Variants in NFRKB observed in about 807,000 individuals in gnomAD.
NFRKB encodes nuclear factor related to kappa-B-binding protein.
In NFRKB, 62 loss-of-function variants were observed where a neutral mutation model predicts 135.7. The ratio of observed to expected loss-of-function variants is 0.46; its 90% confidence interval spans 0.37 to 0.56. NFRKB has a LOEUF of 0.56. Ranked by LOEUF, NFRKB falls within the 20% of genes least tolerant of loss-of-function variation. NFRKB has a pLI of 0.00. For missense variants in NFRKB, 1,545 were observed against 1,662.0 expected, an observed-to-expected ratio of 0.93 and a Z score of 1.22; for synonymous variants, 678 against 635.6, an observed-to-expected ratio of 1.07 and a Z score of -1.00.
chr11:129,880,917 C>T (rs1948997548), intron 13 of NFRKB, among the ~76,000 whole-genome samples: 2 of 152,368 alleles, frequency 1.3e-5, no homozygotes, highest in Admixed American at 6.5e-5. Flanking sequence ...GAAACCAACA[C>T]TGGATTTCTC....
At chr11:129,866,896 G>A (rs527692884) in intron 24 of NFRKB, among the ~76,000 whole-genome samples, 45 of 152,250 alleles carry the variant, frequency 3.0e-4, no homozygotes, top group African/African-American at 9.6e-4. Context: ...ACAACTGCGC[G>A]GCAGGTCCCC....
chr11:129,888,880 T>C, intron 3 of NFRKB, 85 bp from the exon 4 acceptor site: 2 of 959,894 alleles, frequency 2.1e-6, no homozygotes, highest in Non-Finnish European at 3.1e-6. Context: ...TTACATAATA[T>C]ACATAAGATT....
Position 129,873,935 on chromosome 11 carries a change from G to C in NFRKB, c.2360C>G (p.Ser787Cys), listed in dbSNP as rs370572870. 9.3e-6 allele frequency: 15 copies of C among 1,613,284 alleles called. No homozygotes were observed. Among genetic ancestry groups the C allele is most frequent in the Non-Finnish European group, 1.3e-5 (15 of 1,180,030 alleles). ...SPASSQTAPS[S>C]QAAARVVSHS... ...GCTCACGACCCGGGCGGCAGCCTGAGAACTGGGTGCAGTCTGGCTGGAAGC... is the reference window on the plus strand; with the variant it reads ...GCTCACGACCCGGGCGGCAGCCTGACAACTGGGTGCAGTCTGGCTGGAAGC... The change falls in exon 22 of 27, where the codon TCT becomes TGT. Residue 787 changes from serine (S) to cysteine (C), a missense_variant. By Grantham distance (112) the Ser-to-Cys change is moderately radical (BLOSUM62 -1). This residue lies in a region of NFRKB where 753 missense variants were observed against 804.3 expected (regional missense o/e 0.94). Transcript: ENST00000682444.
Position 129,878,486 on chromosome 11 carries a change from G to C in NFRKB, c.1442C>G (p.Thr481Ser). The C allele has an allele frequency of 6.2e-7, 1 of 1,614,118 alleles. No individual in the cohort carries two copies. The highest frequency in any genetic ancestry group is 8.5e-7 in the Non-Finnish European group (1 of 1,179,984). ...TACCTTACAGAAGGCCTGATCTTTGGTCTCTAGCCATAGCTGGAAGAGGGC... is the reference window on the plus strand; with the variant it reads ...TACCTTACAGAAGGCCTGATCTTTGCTCTCTAGCCATAGCTGGAAGAGGGC... ...LAALFQLWLE[T>S]KDQAFCKQEN... Residue 481 changes from threonine to serine, a missense_variant, in exon 14 of 27, where the codon ACC becomes AGC. Thr to Ser is a moderately conservative substitution (Grantham distance 58). Around this residue, in one of 3 missense-constraint regions of NFRKB, gnomAD observed 678 missense variants for 646.7 expected, o/e 1.05. Coordinates refer to ENST00000682444, the MANE Select transcript of NFRKB (RefSeq NM_001143835.2).
Position 129,874,374 on chromosome 11 carries a change from G to T in NFRKB, c.2059-41C>A. Reference sequence around the variant, plus strand: ...AAGAAAACTCACCTGGTGTCGTGAAGATCCCCCTAAAGGAAGGGACACCCC... The same window carrying T: ...AAGAAAACTCACCTGGTGTCGTGAATATCCCCCTAAAGGAAGGGACACCCC... On this transcript the variant is annotated intron_variant, in intron 20 of 26. Transcript: ENST00000682444. This position sits in a 1 kb window ranked among gnomAD's most constrained non-coding sequence, Gnocchi z 4.5. 6.6e-7 allele frequency: 1 copy of T among 1,519,770 alleles called. No individual in the cohort carries two copies. The highest frequency in any genetic ancestry group is 1.3e-5 in the South Asian group (1 of 74,724). The allele number at this position is 1,519,770 out of a possible 1,614,324, so 94.1% of individuals were successfully genotyped here. A position where few individuals can be genotyped will look rare whatever the true frequency, so the allele number is the denominator to read the frequency against.
Position 129,864,601 on chromosome 11 carries a change from G to C in NFRKB, c.*124C>G. 7.3e-7 allele frequency: 1 copy of C among 1,367,060 alleles called. No homozygotes were observed. The highest frequency in any genetic ancestry group is 1.0e-6 in the Non-Finnish European group (1 of 994,146). 84.7% of individuals were successfully genotyped at this position (1,367,060 alleles called of 1,614,324 possible). A position where few individuals can be genotyped will look rare whatever the true frequency, so the allele number is the denominator to read the frequency against. On this transcript the variant is annotated 3_prime_UTR_variant, in exon 27 of 27. Transcript: ENST00000682444. ...CAGGCCACGAATCCAGGCCACCGTT[G>C]CCATCACCCCTCGCCTGGCTGCCTT...
At chr11:129,875,529 G>T in intron 17 of NFRKB, 66 bp from the exon 18 acceptor site, 1 of 1,281,210 alleles carries the variant, frequency 7.8e-7, no homozygotes, top group Non-Finnish European at 1.1e-6. Context: ...ACAATCTCCT[G>T]TACCTGCAGT....
chr11:129,892,579 G>T (rs1450125106), intron 3 of NFRKB, 136 bp downstream of exon 3: 10 of 846,072 alleles, frequency 1.2e-5, no homozygotes, highest in Admixed American at 2.6e-5. Flanking sequence ...AAAGATAAGA[G>T]ATCAGGCTGC....
Position 129,873,034 on chromosome 11 carries a change from T to C in NFRKB, c.2613A>G (p.Gly871=), listed in dbSNP as rs754108038. The change falls in exon 23 of 27, where the codon GGA becomes GGG. Residue 871 remains glycine, a synonymous_variant. Transcript: ENST00000682444. ...TCACCGTGAGCCCTGTCTGCCCGGG[T>C]CCAGGCCGCTGCACAGTGGCTGCCG... ...QTTAATVQRP[G]PGQTGLTVTS... is the part of the protein sequence containing the mutation. The C allele has an allele frequency of 6.2e-7, 1 of 1,613,998 alleles. No homozygotes were observed. Among genetic ancestry groups the C allele is most frequent in the Middle Eastern group, 1.7e-4 (1 of 6,052 alleles).
At chr11:129,878,578 G>A (rs189701368) in intron 13 of NFRKB, 35 bp from the exon 14 acceptor site, 23 of 1,540,324 alleles carry the variant, frequency 1.5e-5, no homozygotes, top group African/African-American at 2.7e-5. Flanking sequence ...AAAATAAGAA[G>A]GTCTAAGGTA....
chr11:129,874,093 G>A lies in NFRKB; in HGVS notation c.2279+20C>T. 6.4e-7 allele frequency: 1 copy of A among 1,566,690 alleles called. No homozygotes were observed. The highest frequency in any genetic ancestry group is 8.7e-7 in the Non-Finnish European group (1 of 1,155,618). ...AAAAGAACTCTAGAACGAAAAAGCT[G>A]AAGAAAAGGAGGAACTTACCCCGAG... On this transcript the variant is annotated intron_variant, in intron 21 of 26. Coordinates refer to ENST00000682444, the MANE Select transcript of NFRKB (RefSeq NM_001143835.2). The surrounding 1 kb of genome is among the most constrained non-coding windows in gnomAD (Gnocchi z 4.5).
chr11:129,870,911 C>G (rs1328874493), intron 23 of NFRKB, among the ~76,000 whole-genome samples: 1 of 152,176 alleles, frequency 6.6e-6, no homozygotes, highest in Admixed American at 6.5e-5. Flanking sequence ...GCTAACTCTA[C>G]ACCTCCCTCC....
chr11:129,874,715 A>G lies in NFRKB; in HGVS notation c.1978+78T>C, dbSNP rs1196009369. The stretch of plus-strand genomic sequence containing the variant: ...ATCTTGTCCTACCTATATGCCAATG[A>G]AAAGAATAATGGAATTGGGGTAGAA... On this transcript the variant is annotated intron_variant, in intron 19 of 26. Coordinates refer to ENST00000682444, the MANE Select transcript of NFRKB (RefSeq NM_001143835.2). This position sits in a 1 kb window ranked among gnomAD's most constrained non-coding sequence, Gnocchi z 4.5. 6.8e-6 allele frequency: 11 copies of G among 1,610,734 alleles called. No homozygotes were observed. The East Asian group carries it at 2.2e-4, about 33-fold the overall frequency.
chr11:129,875,069 G>A (rs910099040), intron 18 of NFRKB, among the ~76,000 whole-genome samples, 153 bp from the exon 19 acceptor site: 1 of 152,104 alleles, frequency 6.6e-6, no homozygotes, highest in African/African-American at 2.4e-5. Flanking sequence ...TCCCCAAATC[G>A]TTTGACGAGA....
In NFRKB at chr11:129,874,185, G is replaced by A. The variant is rs773667985; in HGVS notation, c.2207C>T (p.Ser736Phe). 2.4e-5 allele frequency: 37 copies of A among 1,521,036 alleles called. No individual in the cohort carries two copies. The highest frequency in any genetic ancestry group is 3.1e-5 in the Non-Finnish European group (35 of 1,136,294). 94.2% of individuals were successfully genotyped at this position (1,521,036 alleles called of 1,614,324 possible). The change falls in exon 21 of 27, where the codon TCC (serine) becomes TTC (phenylalanine). Residue 736 changes from serine (S) to phenylalanine (F), a missense_variant. By Grantham distance (155) the Ser-to-Phe change is radical. Coordinates refer to ENST00000682444, the MANE Select transcript of NFRKB (RefSeq NM_001143835.2). This position sits in a 1 kb window ranked among gnomAD's most constrained non-coding sequence, Gnocchi z 4.5. ...TTPALPAIPISPPPVSAVNKS... is the reference protein window; with the variant it reads ...TTPALPAIPIFPPPVSAVNKS... ...GTTCACTGCCGATACAGGTGGAGGGGAGATGGGAATGGCGGGCAATGCTGG... is the reference window on the plus strand; with the variant it reads ...GTTCACTGCCGATACAGGTGGAGGGAAGATGGGAATGGCGGGCAATGCTGG...
chr11:129,893,310 T>C (rs746128464), intron 2 of NFRKB: 4 of 450,660 alleles, frequency 8.9e-6, no homozygotes, highest in East Asian at 7.1e-5. Context: ...CTCAGTACTT[T>C]GGGAGGTCCA....
chr11:129,878,395 G>C (rs1454865789), intron 14 of NFRKB, 40 bp from the exon 15 acceptor site: 2 of 1,613,678 alleles, frequency 1.2e-6, no homozygotes, highest in Admixed American at 1.7e-5. Context: ...ATGGACTAAA[G>C]AATTTGGGCA....
In NFRKB at chr11:129,876,758, G is replaced by T; in HGVS notation, c.1710C>A (p.Arg570=). Residue 570 remains arginine (R), a synonymous_variant, in exon 17 of 27, where the codon CGC becomes CGA. Coordinates refer to ENST00000682444, the MANE Select transcript of NFRKB (RefSeq NM_001143835.2). The part of the protein sequence containing the change: ...LNKAREHSLL[R]SDRPAYVTIL... ...TGGTGACGTAGGCAGGCCGGTCGGA[G>T]CGCAGCAGGGAGTGCTCCCGAGCCT... is the stretch of plus-strand genomic sequence containing the variant. 1.9e-6 allele frequency: 3 copies of T among 1,614,132 alleles called. No individual in the cohort carries two copies. Among genetic ancestry groups the T allele is most frequent in the Non-Finnish European group, 2.5e-6 (3 of 1,180,008 alleles).
At chr11:129,880,788 C>A (rs1038593450) in intron 13 of NFRKB, among the ~76,000 whole-genome samples, 2 of 152,278 alleles carry the variant, frequency 1.3e-5, no homozygotes, top group African/African-American at 2.4e-5. Context: ...GCCTGACACC[C>A]AGAAGCTGAA....
Sources: gnomAD v4.1 joint callset for allele counts (sites outside exome capture counted in the v4.1 genomes callset) on GRCh38, gnomAD v4.1.1 for gene constraint, gnomAD v4.1.1 regional missense constraint, Gnocchi (gnomAD v3.1) non-coding constraint, MANE v1.5 for transcripts, NCBI Gene and HGNC (gene_info 2026-07-23, HGNC 2026-07-21) for gene names.